The following MEF2A variants were observed in gnomAD, a reference collection of about 807,000 sequenced individuals.
MEF2A encodes myocyte-specific enhancer factor 2A.
A neutral mutation model predicts 55.8 loss-of-function variants in MEF2A; 28 were observed. That is an observed-to-expected ratio of 0.50 (90% CI 0.37 to 0.69). MEF2A has a LOEUF of 0.69. Among genes scored for constraint, MEF2A ranks in the 30% least tolerant of loss-of-function variants. The probability of loss-of-function intolerance (pLI) is 0.00; values close to 1 mark genes in which losing one functional copy is unlikely to be tolerated. For missense variants in MEF2A, 528 were observed against 626.2 expected, an observed-to-expected ratio of 0.84 and a Z score of 1.67; for synonymous variants, 239 against 227.1, an observed-to-expected ratio of 1.05 and a Z score of -0.47.
At chr15:99,599,802 G>A (rs1232462154) in intron 2 of MEF2A, among the ~76,000 whole-genome samples, 1 of 151,908 alleles carries the variant, frequency 6.6e-6, no homozygotes, top group African/African-American at 2.4e-5. Context: ...TCTACCCATA[G>A]GTTCCTCATC....
At chr15:99,588,212 G>A (rs527773911) in intron 1 of MEF2A, among the ~76,000 whole-genome samples, 2 of 152,150 alleles carry the variant, frequency 1.3e-5, no homozygotes, top group South Asian at 4.1e-4. Flanking sequence ...GACTGCCTGG[G>A]CTCAAGCAAT....
intron 1 of MEF2A, among the ~76,000 whole-genome samples, chr15:99,577,370 T>G (rs1194297772): frequency 6.6e-6 from 1 of 152,072 alleles, no homozygotes; most frequent in Non-Finnish European, 1.5e-5. Flanking sequence ...AACTGGTAAC[T>G]TCATTACTTT....
intron 1 of MEF2A, chr15:99,566,492 G>A (rs1959537763): frequency 1.3e-5 from 2 of 151,524 alleles, no homozygotes; most frequent in Admixed American, 6.6e-5. Flanking sequence ...CAGTCGCGCG[G>A]GCTGGTGGCG....
chr15:99,666,864 GT>G (rs1255152021), intron 4 of MEF2A, among the ~76,000 whole-genome samples: 1 of 152,064 alleles, frequency 6.6e-6, no homozygotes, highest in Non-Finnish European at 1.5e-5. Flanking sequence ...AGAAAGGAAG[GT>G]TGTGGGATTT....
At chr15:99,678,950 C>T (rs2153666103) in intron 7 of MEF2A, among the ~76,000 whole-genome samples, 1 of 152,202 alleles carries the variant, frequency 6.6e-6, no homozygotes, top group South Asian at 2.1e-4. Context: ...CATGAGAACA[C>T]ATCACTTCAC....
chr15:99,681,794 A>G (rs1351909174), intron 7 of MEF2A: 1 of 152,224 alleles, frequency 6.6e-6, no homozygotes, highest in African/African-American at 2.4e-5. Flanking sequence ...ATTTTAGACT[A>G]GTCAGGTGCA....
intron 10 of MEF2A, among the ~76,000 whole-genome samples, chr15:99,709,745 C>T (rs1049757880): frequency 1.3e-5 from 2 of 152,202 alleles, no homozygotes; most frequent in Non-Finnish European, 2.9e-5. Context: ...TGATAACTAA[C>T]GTCCTAAATC....
intron 4 of MEF2A, among the ~76,000 whole-genome samples, chr15:99,658,104 C>G (rs116480056): frequency 6.6e-6 from 1 of 152,106 alleles, no homozygotes; most frequent in South Asian, 2.1e-4. Flanking sequence ...CAGCAGGATA[C>G]AGCAGAAAAT....
At chr15:99,671,712 A>G in intron 5 of MEF2A, 1 of 1,437,326 alleles carries the variant, frequency 7.0e-7, no homozygotes. Flanking sequence ...AGATTGACCA[A>G]ACATCTTGTT....
chr15:99,582,831 A>T (rs1966324216), intron 1 of MEF2A, among the ~76,000 whole-genome samples: 1 of 152,100 alleles, frequency 6.6e-6, no homozygotes, highest in African/African-American at 2.4e-5. Flanking sequence ...TATAGCAGAG[A>T]GGTCTAGTAT....
At position 99,674,513 on chromosome 15, in the gene MEF2A, A is replaced by G. The variant is rs189538320; in HGVS notation, c.511A>G (p.Thr171Ala). ...GTCCCCATCTTTGGCAGCCAGCTCA[A>G]CGTTAACAGATTCAAGCATGCTCTC... ...LVSPSLAASS[T>A]LTDSSMLSPP... Residue 171 changes from threonine (T) to alanine (A), a missense_variant, in exon 6 of 12, where the codon ACG becomes GCG. By Grantham distance (58) the Thr-to-Ala change is moderately conservative. Transcript: ENST00000557942. 126 of 1,613,966 alleles carry G rather than the reference A, an allele frequency of 7.8e-5. No individual in the cohort carries two copies. In the African/African-American group the frequency reaches 1.5e-3, roughly 19 times the overall value.
intron 1 of MEF2A, among the ~76,000 whole-genome samples, chr15:99,596,131 C>G (rs532791889): frequency 6.6e-6 from 1 of 151,914 alleles, no homozygotes; most frequent in East Asian, 1.9e-4. Context: ...AAACTAGGTA[C>G]AACATACATC....
At chr15:99,690,033 T>C (rs2055064086) in intron 7 of MEF2A, among the ~76,000 whole-genome samples, 1 of 152,146 alleles carries the variant, frequency 6.6e-6, no homozygotes, top group Non-Finnish European at 1.5e-5. Context: ...GATTTTCAGG[T>C]TTAGGGATGC....
intron 5 of MEF2A, among the ~76,000 whole-genome samples, chr15:99,673,126 T>A (rs2051206528): frequency 6.6e-6 from 1 of 152,180 alleles, no homozygotes; most frequent in South Asian, 2.1e-4. Flanking sequence ...TTTCCACATG[T>A]CAGGTTTGGA....
intron 1 of MEF2A, among the ~76,000 whole-genome samples, chr15:99,576,461 T>G (rs896508188): frequency 1.3e-5 from 2 of 152,180 alleles, no homozygotes; most frequent in African/African-American, 4.8e-5. Context: ...AGGTTGTTGT[T>G]TATAATTATA....
At chr15:99,570,470 A>G (rs1961714514) in intron 1 of MEF2A, among the ~76,000 whole-genome samples, 1 of 152,226 alleles carries the variant, frequency 6.6e-6, no homozygotes, top group Non-Finnish European at 1.5e-5. Context: ...TATTAAAATT[A>G]TATGCTTGAG....
At chr15:99,655,203 A>T (rs1273803943) in intron 4 of MEF2A, among the ~76,000 whole-genome samples, 3 of 152,188 alleles carry the variant, frequency 2.0e-5, no homozygotes, top group Non-Finnish European at 4.4e-5. Flanking sequence ...GAGAGCTCAG[A>T]AATGTACCCA....
intron 1 of MEF2A, among the ~76,000 whole-genome samples, chr15:99,572,612 G>T (rs529945438): frequency 3.3e-5 from 5 of 152,302 alleles, no homozygotes; most frequent in Non-Finnish European, 7.3e-5. Flanking sequence ...AATATTTGAT[G>T]CTTCTGTATC....
chr15:99,656,548 G>T (rs1302667452), intron 4 of MEF2A, among the ~76,000 whole-genome samples: 1 of 152,036 alleles, frequency 6.6e-6, no homozygotes, highest in Non-Finnish European at 1.5e-5. Context: ...ATTAGGATGG[G>T]CTAGTGCATC....
Sources: allele counts gnomAD v4.1 joint callset (sites outside exome capture counted in the v4.1 genomes callset), GRCh38; gene constraint gnomAD v4.1.1; transcripts MANE v1.5; gene names NCBI Gene and HGNC (gene_info 2026-07-23, HGNC 2026-07-21).